Variants in ZCCHC7 observed in about 807,000 individuals in gnomAD.
The protein encoded by ZCCHC7 is zinc finger CCHC-type containing 7.
In ZCCHC7, 35 loss-of-function variants were observed where a neutral mutation model predicts 52.0. The ratio of observed to expected loss-of-function variants is 0.67; its 90% CI spans 0.51 to 0.89. The LOEUF is 0.89. ZCCHC7 is among the 40% of genes least tolerant of loss of function. ZCCHC7 has a pLI of 0.00. For synonymous variants in ZCCHC7, 217 were observed against 221.5 expected (o/e 0.98, Z 0.18); for missense variants, 574 against 649.1 (o/e 0.88, Z 1.26).
intron 2 of ZCCHC7, among the ~76,000 whole-genome samples, chr9:37,237,154 G>A (rs1352721864): frequency 1.3e-5 from 2 of 152,140 alleles, no homozygotes; most frequent in Non-Finnish European, 2.9e-5. Flanking sequence ...TTAAAAAGAA[G>A]ACACAACAGG....
At chr9:37,338,898 G>T (rs1379029476) in intron 6 of ZCCHC7, among the ~76,000 whole-genome samples, 1 of 151,992 alleles carries the variant, frequency 6.6e-6, no homozygotes, top group Non-Finnish European at 1.5e-5. Context: ...AGCATGTGTG[G>T]CTTAATGATG....
intron 2 of ZCCHC7, among the ~76,000 whole-genome samples, chr9:37,164,695 C>T (rs1421734866): frequency 6.6e-6 from 1 of 152,192 alleles, no homozygotes; most frequent in East Asian, 1.9e-4. Context: ...TCTCTTACCT[C>T]AGACTCTTGT....
intron 2 of ZCCHC7, among the ~76,000 whole-genome samples, chr9:37,230,840 A>G (rs1825366934): frequency 6.6e-6 from 1 of 152,124 alleles, no homozygotes; most frequent in Admixed American, 6.5e-5. Flanking sequence ...TTATGGTTCT[A>G]TGTGGTGGAA....
chr9:37,153,867 A>G (rs190033414), intron 2 of ZCCHC7, among the ~76,000 whole-genome samples: 61 of 152,158 alleles, frequency 4.0e-4, no homozygotes, highest in Admixed American at 1.3e-3. Flanking sequence ...GTTTGACTCA[A>G]TGGATTGAGT....
intron 8 of ZCCHC7, among the ~76,000 whole-genome samples, chr9:37,356,480 C>T (rs1297148210): frequency 6.6e-6 from 1 of 152,208 alleles, no homozygotes; most frequent in African/African-American, 2.4e-5. Flanking sequence ...ATAAATCTTG[C>T]TTTGCCTCAT....
intron 2 of ZCCHC7, among the ~76,000 whole-genome samples, chr9:37,176,274 C>T (rs554498039): frequency 2.0e-5 from 3 of 152,082 alleles, no homozygotes; most frequent in Admixed American, 6.6e-5. Flanking sequence ...GGGGTTTCAC[C>T]GTGTTAGCCA....
chr9:37,320,622 A>G (rs889106182), intron 5 of ZCCHC7, among the ~76,000 whole-genome samples: 1 of 152,150 alleles, frequency 6.6e-6, no homozygotes, highest in Non-Finnish European at 1.5e-5. Context: ...AGATTTTTGT[A>G]GTTTTAACTA....
At chr9:37,139,860 C>T (rs532444141) in intron 2 of ZCCHC7, among the ~76,000 whole-genome samples, 2 of 152,050 alleles carry the variant, frequency 1.3e-5, no homozygotes, top group South Asian at 2.1e-4. Flanking sequence ...ATAGTGCTTG[C>T]AACAGAATTA....
chr9:37,255,599 A>G (rs1826549250), intron 2 of ZCCHC7, among the ~76,000 whole-genome samples: 1 of 152,136 alleles, frequency 6.6e-6, no homozygotes, highest in South Asian at 2.1e-4. Context: ...GAACCCACCG[A>G]TAATGGAAGG....
At chr9:37,171,711 C>T (rs1326827885) in intron 2 of ZCCHC7, among the ~76,000 whole-genome samples, 1 of 152,146 alleles carries the variant, frequency 6.6e-6, no homozygotes, top group Non-Finnish European at 1.5e-5. Context: ...TGTTTAGGGA[C>T]TCTTCTTCCC....
chr9:37,353,920 G>A (rs1199027995), intron 7 of ZCCHC7, among the ~76,000 whole-genome samples: 1 of 152,166 alleles, frequency 6.6e-6, no homozygotes, highest in Non-Finnish European at 1.5e-5. Context: ...TTTCAAACAT[G>A]CTGAATGGAT....
At chr9:37,157,838 G>C (rs935148239) in intron 2 of ZCCHC7, among the ~76,000 whole-genome samples, 10 of 152,176 alleles carry the variant, frequency 6.6e-5, no homozygotes, top group African/African-American at 2.2e-4. Context: ...GTACACTGTT[G>C]GTGGGATTGC....
intron 2 of ZCCHC7, among the ~76,000 whole-genome samples, chr9:37,200,148 GTTAC>G (rs1358980277): frequency 2.0e-5 from 3 of 151,928 alleles, no homozygotes; most frequent in African/African-American, 4.8e-5. Flanking sequence ...TGTTTTCTCT[GTTAC>G]TTTGTTTTTC....
chr9:37,261,582 C>T (rs1055217850), intron 2 of ZCCHC7, among the ~76,000 whole-genome samples: 3 of 152,172 alleles, frequency 2.0e-5, no homozygotes, highest in African/African-American at 7.2e-5. Flanking sequence ...CTGGCAGGAG[C>T]TTCTGGGTCA....
Position 37,126,626 on chromosome 9 carries a change from C to T in ZCCHC7, c.294C>T (p.Asp98=). 1 of 1,614,100 alleles carries T rather than the reference C, an allele frequency of 6.2e-7. No individual in the cohort carries two copies. Among genetic ancestry groups the T allele is most frequent in the East Asian group, 2.2e-5 (1 of 44,876 alleles). ...AGGTCATCACTTTGTCTGATGAAGACAGTATTTATAGATGTAAAGGAAAGA... is the reference window on the plus strand; with the variant it reads ...AGGTCATCACTTTGTCTGATGAAGATAGTATTTATAGATGTAAAGGAAAGA... ...GSEVITLSDE[D]SIYRCKGKNV... is the part of the protein sequence containing the mutation. Residue 98 remains aspartate (D), a synonymous_variant, in exon 2 of 9, where the codon GAC becomes GAT. Transcript: ENST00000336755.
intron 2 of ZCCHC7, among the ~76,000 whole-genome samples, chr9:37,128,442 G>C (rs1429769156): frequency 1.3e-5 from 2 of 152,138 alleles, no homozygotes; most frequent in African/African-American, 4.8e-5. Flanking sequence ...TGAGGCAGTG[G>C]TTACCAGTAT....
At chr9:37,305,491 T>A (rs1588642434) in intron 4 of ZCCHC7, 53 bp from the exon 5 acceptor site, 11 of 1,593,544 alleles carry the variant, frequency 6.9e-6, no homozygotes, top group East Asian at 6.7e-5. Context: ...AAACAAATAC[T>A]AATCTTCTAC....
intron 2 of ZCCHC7, among the ~76,000 whole-genome samples, chr9:37,290,783 A>G (rs887436165): frequency 2.0e-5 from 3 of 152,228 alleles, no homozygotes; most frequent in African/African-American, 7.2e-5. Flanking sequence ...GTGTGGGTAC[A>G]TTGGACCCTT....
At chr9:37,172,565 C>T (rs1305562560) in intron 2 of ZCCHC7, among the ~76,000 whole-genome samples, 3 of 152,206 alleles carry the variant, frequency 2.0e-5, no homozygotes, top group African/African-American at 4.8e-5. Flanking sequence ...TCATAAAGTA[C>T]TTCCAGCATT....
Sources: allele counts gnomAD v4.1 joint callset (sites outside exome capture counted in the v4.1 genomes callset), GRCh38; gene constraint gnomAD v4.1.1; transcripts MANE v1.5; gene names NCBI Gene and HGNC (gene_info 2026-07-23, HGNC 2026-07-21).